The following TTC39B variants were observed in gnomAD, a reference collection of about 807,000 sequenced individuals.
TTC39B encodes tetratricopeptide repeat domain 39B.
TTC39B carries 92 observed loss-of-function variants against 96.6 expected under a neutral mutation model. The ratio of observed to expected loss-of-function variants is 0.95; its 90% CI spans 0.80 to 1.13. The LOEUF is 1.13. Ranked by LOEUF, TTC39B falls within the 50% of genes most tolerant of loss-of-function variation. The probability of loss-of-function intolerance (pLI) is 0.00; values close to 1 mark genes in which losing one functional copy is unlikely to be tolerated. For missense variants in TTC39B, 955 were observed against 809.3 expected, an observed-to-expected ratio of 1.18 and a Z score of -2.18; for synonymous variants, 367 against 299.4, an observed-to-expected ratio of 1.23 and a Z score of -2.33.
intron 8 of TTC39B, among the ~76,000 whole-genome samples, chr9:15,198,042 A>G (rs1346908176): frequency 2.6e-5 from 4 of 152,244 alleles, no homozygotes; most frequent in Non-Finnish European, 5.9e-5. Context: ...TTTGAATAAG[A>G]ATATGAAAAA....
Position 15,306,787 on chromosome 9 carries a change from C to A in TTC39B, c.240+297G>T, listed in dbSNP as rs1428034524. On this transcript the variant is annotated intron_variant, in intron 1 of 19. Transcript: ENST00000512701. This position sits in a 1 kb window ranked among gnomAD's most constrained non-coding sequence, Gnocchi z 5.1. ...CTCAGAGCTGCGGGTCCTATGGTCC[C>A]GCGCCCTCACGCCCATCCAAGTGCT... Among the ~76,000 whole-genome samples, 1 of 152,150 alleles carries A rather than the reference C, an allele frequency of 6.6e-6. No individual in the cohort carries two copies. Among genetic ancestry groups the A allele is most frequent in the Non-Finnish European group, 1.5e-5 (1 of 68,020 alleles).
intron 3 of TTC39B, among the ~76,000 whole-genome samples, chr9:15,217,357 C>T (rs546771403): frequency 6.6e-6 from 1 of 152,298 alleles, no homozygotes; most frequent in South Asian, 2.1e-4. Flanking sequence ...ACATCCACCT[C>T]TGCATCTCAG....
In TTC39B at chr9:15,199,969, T is replaced by C. The variant is rs755928554; in HGVS notation, c.760-44A>G. 1.7e-5 allele frequency: 19 copies of C among 1,146,890 alleles called. 1 individual carries two copies. In the South Asian group the frequency reaches 2.5e-4, roughly 15 times the overall value. 71.0% of individuals were successfully genotyped at this position (1,146,890 alleles called of 1,614,324 possible). A position where few individuals can be genotyped will look rare whatever the true frequency, so the allele number is the denominator to read the frequency against. ...AAAAATTAGATTATTTAGCAAAAAATTTTAAATTGTCCCCACAGTTGTGTG... is the reference window on the plus strand; with the variant it reads ...AAAAATTAGATTATTTAGCAAAAAACTTTAAATTGTCCCCACAGTTGTGTG... On this transcript the variant is annotated intron_variant, in intron 7 of 19. Coordinates refer to ENST00000512701, the Ensembl canonical transcript of TTC39B.
chr9:15,170,094 C>A (rs1239090752), exon 20 of TTC39B: 1 of 101,988 alleles, frequency 9.8e-6, no homozygotes, highest in Non-Finnish European at 2.0e-5. Context: ...AATGTATTTT[C>A]CACTACTAAT....
At chr9:15,179,296 G>C (rs970995737) in intron 17 of TTC39B, among the ~76,000 whole-genome samples, 2 of 152,190 alleles carry the variant, frequency 1.3e-5, no homozygotes, top group African/African-American at 4.8e-5. Context: ...GAACATACGA[G>C]GCCCTGGGAG....
Position 15,171,908 on chromosome 9 carries a change from A to T in TTC39B, c.*111T>A, listed in dbSNP as rs537909451. ...ATGATAGAAAATATTGACCAAAAAA[A>T]CTGTTTTTTTGTCTCTTATTCACAA... On this transcript the variant is annotated 3_prime_UTR_variant, in exon 20 of 20. Transcript: ENST00000512701. 1.1e-4 allele frequency: 79 copies of T among 730,470 alleles called. No individual in the cohort carries two copies. The African/African-American group carries it at 1.4e-3, about 13-fold the overall frequency. 45.2% of individuals were successfully genotyped at this position (730,470 alleles called of 1,614,324 possible). A position where few individuals can be genotyped will look rare whatever the true frequency, so the allele number is the denominator to read the frequency against.
intron 1 of TTC39B, among the ~76,000 whole-genome samples, chr9:15,286,476 C>T (rs1823979663): frequency 6.6e-6 from 1 of 152,218 alleles, no homozygotes; most frequent in South Asian, 2.1e-4. Flanking sequence ...TCCAGAGGCA[C>T]AGATGTTCAT....
chr9:15,275,798 T>C (rs1306270025), intron 1 of TTC39B, among the ~76,000 whole-genome samples: 1 of 152,150 alleles, frequency 6.6e-6, no homozygotes, highest in Non-Finnish European at 1.5e-5. Context: ...CTCACTATTA[T>C]GGATTAAAGG....
intron 3 of TTC39B, among the ~76,000 whole-genome samples, chr9:15,218,549 T>C (rs998832924): frequency 6.6e-5 from 10 of 152,022 alleles, no homozygotes; most frequent in Admixed American, 5.2e-4. Context: ...TCATAATATA[T>C]ATCTTCAGTG....
chr9:15,167,382 T>G (rs1817550052), exon 20 of TTC39B: 1 of 151,730 alleles, frequency 6.6e-6, no homozygotes, highest in South Asian at 2.1e-4. Context: ...CTGGCCTAGT[T>G]GAGAAAGTCA....
At chr9:15,276,074 C>T (rs908570379) in intron 1 of TTC39B, among the ~76,000 whole-genome samples, 1 of 152,154 alleles carries the variant, frequency 6.6e-6, no homozygotes, top group Non-Finnish European at 1.5e-5. Flanking sequence ...GGCCCTGTGC[C>T]TTGATTTCAA....
intron 6 of TTC39B, among the ~76,000 whole-genome samples, chr9:15,204,472 T>C (rs563601320): frequency 1.9e-4 from 28 of 151,042 alleles, no homozygotes; most frequent in African/African-American, 6.1e-4. Context: ...GAGGTTGCAG[T>C]GAGCCGAGAT....
At chr9:15,248,551 G>A (rs1370032092) in intron 2 of TTC39B, among the ~76,000 whole-genome samples, 4 of 152,120 alleles carry the variant, frequency 2.6e-5, no homozygotes, top group Non-Finnish European at 5.9e-5. Flanking sequence ...ATTTTGTTCA[G>A]CATCATATCC....
chr9:15,188,082 C>A (rs745700070), exon 14 of TTC39B: 2 of 1,610,470 alleles, frequency 1.2e-6, no homozygotes, highest in Non-Finnish European at 1.7e-6. Context: ...GATGGTGAAA[C>A]TGTTTCCATT....
At chr9:15,191,200 G>C in exon 10 of TTC39B, 1 of 1,607,628 alleles carries the variant, frequency 6.2e-7, no homozygotes, top group Non-Finnish European at 8.5e-7. Flanking sequence ...CCTATTCCCA[G>C]AAAATCCAAT....
At chr9:15,233,635 G>A (rs1821570717) in intron 2 of TTC39B, among the ~76,000 whole-genome samples, 1 of 152,216 alleles carries the variant, frequency 6.6e-6, no homozygotes, top group South Asian at 2.1e-4. Flanking sequence ...CGGGATTGCA[G>A]ACGGAGTCTC....
intron 1 of TTC39B, among the ~76,000 whole-genome samples, chr9:15,275,130 C>T (rs1421029569): frequency 6.6e-6 from 1 of 152,022 alleles, no homozygotes; most frequent in East Asian, 1.9e-4. Flanking sequence ...CAACCTCCGC[C>T]CCTCCAGTTC....
intron 2 of TTC39B, among the ~76,000 whole-genome samples, chr9:15,234,457 C>T (rs562805164): frequency 6.6e-4 from 99 of 150,318 alleles, no homozygotes; most frequent in African/African-American, 2.1e-3. Flanking sequence ...AGGTGAGGGG[C>T]GCCTCTGCCC....
At chr9:15,275,730 A>G (rs879934217) in intron 1 of TTC39B, among the ~76,000 whole-genome samples, 1 of 152,178 alleles carries the variant, frequency 6.6e-6, no homozygotes, top group Non-Finnish European at 1.5e-5. Context: ...CCCAAGGTAG[A>G]AAAGAGTTTA....
Sources: allele counts gnomAD v4.1 joint callset (sites outside exome capture counted in the v4.1 genomes callset), GRCh38; gene constraint gnomAD v4.1.1; non-coding constraint Gnocchi (gnomAD v3.1); transcripts MANE v1.5; gene names NCBI Gene and HGNC (gene_info 2026-07-23, HGNC 2026-07-21).